RFFL: variants seen among roughly 807,000 people sequenced by gnomAD.
The protein encoded by RFFL is E3 ubiquitin-protein ligase rififylin.
Under a neutral mutation model 40.4 loss-of-function variants are expected in RFFL, and 16 were observed. The ratio of observed to expected loss-of-function variants is 0.40; its 90% CI spans 0.27 to 0.60. The LOEUF (loss-of-function observed/expected upper bound fraction) is 0.60. Among genes scored for constraint, RFFL ranks in the 20% least tolerant of loss-of-function variants. The probability of loss-of-function intolerance (pLI) is 0.47; values close to 1 mark genes in which losing one functional copy is unlikely to be tolerated. For missense variants in RFFL, 367 were observed against 451.7 expected, an observed-to-expected ratio of 0.81 and a Z score of 1.70; for synonymous variants, 154 against 167.9, an observed-to-expected ratio of 0.92 and a Z score of 0.64.
intron 1 of RFFL, among the ~76,000 whole-genome samples, chr17:35,086,484 A>T (rs944393691): frequency 8.8e-3 from 5 of 570 alleles, no homozygotes; most frequent in African/African-American, 0.086. Flanking sequence ...ATCTCAATTA[A>T]AAAAAAAAAA....
At chr17:35,019,616 G>A (rs141394380) in intron 3 of RFFL, among the ~76,000 whole-genome samples, 297 of 151,556 alleles carry the variant, frequency 2.0e-3, no homozygotes, top group African/African-American at 6.7e-3. Flanking sequence ...CAAATGATCC[G>A]CCTGCCTCAG....
intron 1 of RFFL, among the ~76,000 whole-genome samples, chr17:35,050,313 G>A (rs1480896643): frequency 6.6e-6 from 1 of 152,054 alleles, no homozygotes; most frequent in Non-Finnish European, 1.5e-5. Flanking sequence ...TCCCAGTACT[G>A]TGAGAGGCCA....
At chr17:35,084,180 G>A (rs1169568326) in intron 1 of RFFL, among the ~76,000 whole-genome samples, 4 of 152,192 alleles carry the variant, frequency 2.6e-5, no homozygotes, top group Middle Eastern at 3.4e-3. Flanking sequence ...CAGAGGTTGC[G>A]GTGAGCCGAG....
intron 3 of RFFL, chr17:35,018,736 A>G (rs1213146958): frequency 6.6e-6 from 1 of 152,274 alleles, no homozygotes; most frequent in Non-Finnish European, 1.5e-5. Flanking sequence ...GATCAAATGC[A>G]TAGTACACAT....
intron 1 of RFFL, among the ~76,000 whole-genome samples, chr17:35,071,376 G>T (rs557756137): frequency 3.3e-5 from 5 of 152,182 alleles, no homozygotes; most frequent in African/African-American, 1.2e-4. Context: ...CCAGCACTTT[G>T]GGAGGACATC....
intron 3 of RFFL, chr17:35,018,765 A>G (rs1475318893): frequency 1.3e-5 from 2 of 152,258 alleles, no homozygotes; most frequent in Admixed American, 6.5e-5. Context: ...ATGGATCCAA[A>G]TCAATGTCTT....
At chr17:35,059,387 C>A (rs1384735164) in intron 1 of RFFL, among the ~76,000 whole-genome samples, 1 of 152,180 alleles carries the variant, frequency 6.6e-6, no homozygotes, top group African/African-American at 2.4e-5. Context: ...GATATCCCAG[C>A]CAACAGCTAG....
chr17:35,021,304 G>A (rs1406289265), intron 3 of RFFL, 67 bp downstream of exon 3: 4 of 1,446,064 alleles, frequency 2.8e-6, no homozygotes, highest in Admixed American at 2.4e-5. Flanking sequence ...AACAAAGGCA[G>A]GAGAGGAAAA....
Position 35,076,105 on chromosome 17 carries a change from T to C in RFFL, c.-9+13000A>G, listed in dbSNP as rs11658290. On this transcript the variant is annotated intron_variant, in intron 1 of 6. Transcript: ENST00000315249. ...ACCTCCCATGTTCAAGGGATTCTCC[T>C]GCCTCAGCCTCTCGAATAGCTGGGA... 2.2e-3 allele frequency among the ~76,000 whole-genome samples: 321 copies of C among 148,358 alleles called. 1 individual carries two copies. The highest frequency in any genetic ancestry group is 0.017 in the Middle Eastern group (5 of 286).
intron 1 of RFFL, among the ~76,000 whole-genome samples, chr17:35,086,789 G>C (rs1237983792): frequency 6.6e-6 from 1 of 152,078 alleles, no homozygotes; most frequent in Non-Finnish European, 1.5e-5. Context: ...GTACAAGTTT[G>C]GTATAAAAGC....
At position 35,010,558 on chromosome 17, in the gene RFFL, C is replaced by G. The variant is rs1476507251; in HGVS notation, c.*1410G>C. On this transcript the variant is annotated 3_prime_UTR_variant, in exon 7 of 7. Coordinates refer to ENST00000394597, the MANE Select transcript of RFFL (RefSeq NM_001017368.2). The stretch of plus-strand genomic sequence containing the variant: ...CATAAGGTCAAGAGTTCAAGACCAG[C>G]CTGGTGAACATGGTAAAACCCCGTC... 2 of 152,094 alleles carry G rather than the reference C, an allele frequency of 1.3e-5. No homozygotes were observed. Among genetic ancestry groups the G allele is most frequent in the African/African-American group, 4.8e-5 (2 of 41,374 alleles). 9.4% of individuals were successfully genotyped at this position (152,094 alleles called of 1,614,324 possible).
intron 1 of RFFL, among the ~76,000 whole-genome samples, chr17:35,053,574 A>T (rs892853346): frequency 1.3e-5 from 2 of 152,214 alleles, no homozygotes; most frequent in Admixed American, 1.3e-4. Flanking sequence ...ATCTCAGTTC[A>T]GCATCTTATC....
At chr17:35,017,183 T>C (rs2090979232) in intron 4 of RFFL, among the ~76,000 whole-genome samples, 1 of 151,942 alleles carries the variant, frequency 6.6e-6, no homozygotes, top group Non-Finnish European at 1.5e-5. Context: ...CTCCTTCCCT[T>C]GACAATGGCT....
At chr17:35,049,181 G>A (rs1446625812) in intron 1 of RFFL, among the ~76,000 whole-genome samples, 2 of 152,140 alleles carry the variant, frequency 1.3e-5, no homozygotes, top group Admixed American at 6.6e-5. Context: ...TGTTCTCACT[G>A]CTTTCACACA....
At chr17:35,012,287 A>G (rs2090945896) in intron 6 of RFFL, 138 bp from the exon 7 acceptor site, 2 of 679,548 alleles carry the variant, frequency 2.9e-6, no homozygotes, top group Admixed American at 6.2e-5. Flanking sequence ...TGCTTCCCTC[A>G]AATAGAGCTC....
intron 1 of RFFL, among the ~76,000 whole-genome samples, chr17:35,062,034 A>G (rs2142368987): frequency 6.6e-6 from 1 of 152,170 alleles, no homozygotes; most frequent in East Asian, 1.9e-4. Flanking sequence ...GACAGTGGGA[A>G]TGAAGAAAAG....
chr17:35,049,118 C>G (rs2091217054), intron 1 of RFFL, among the ~76,000 whole-genome samples: 1 of 152,156 alleles, frequency 6.6e-6, no homozygotes, highest in African/African-American at 2.4e-5. Context: ...TATTCCCACC[C>G]TTTGATAAGA....
At chr17:35,051,593 G>A (rs537442694) in intron 1 of RFFL, among the ~76,000 whole-genome samples, 31 of 152,264 alleles carry the variant, frequency 2.0e-4, no homozygotes, top group Admixed American at 1.7e-3. Context: ...CCCATGCTTC[G>A]TACTGACATC....
chr17:35,020,636 T>A (rs2091002657), intron 3 of RFFL, among the ~76,000 whole-genome samples: 1 of 152,046 alleles, frequency 6.6e-6, no homozygotes, highest in African/African-American at 2.4e-5. Context: ...ACATCATCAC[T>A]TCTTATACAA....
Sources: gnomAD v4.1 joint callset for allele counts (sites outside exome capture counted in the v4.1 genomes callset) on GRCh38, gnomAD v4.1.1 for gene constraint, MANE v1.5 for transcripts, NCBI Gene and HGNC (gene_info 2026-07-23, HGNC 2026-07-21) for gene names.